Variants in GALNT13 observed in about 807,000 individuals in gnomAD.
The protein encoded by GALNT13 is polypeptide N-acetylgalactosaminyltransferase 13, also known as UDP-GalNAc:polypeptide N-acetylgalactosaminyltransferase 13.
GALNT13 carries 28 observed loss-of-function variants against 64.2 expected under a neutral mutation model. The ratio of observed to expected loss-of-function variants is 0.44; its 90% CI spans 0.32 to 0.60. The LOEUF (loss-of-function observed/expected upper bound fraction) is 0.60. GALNT13 is among the 20% of genes least tolerant of loss of function. The probability of loss-of-function intolerance (pLI) is 0.05; values close to 1 mark genes in which losing one functional copy is unlikely to be tolerated. For missense variants in GALNT13, 577 were observed against 669.8 expected (o/e 0.86, Z 1.53); for synonymous variants, 214 against 224.6 (o/e 0.95, Z 0.42).
At chr2:153,838,527 A>G in the GALNT13 span, among the ~76,000 whole-genome samples, 1 of 151,724 alleles carries the variant, frequency 6.6e-6, no homozygotes, top group Non-Finnish European at 1.5e-5. Context: ...CCCTTTCCCC[A>G]TTGTGTATTT....
At chr2:153,615,691 AAATCTTTTAAATCTTTTAAATGG>A in the GALNT13 span, among the ~76,000 whole-genome samples, 1 of 152,068 alleles carries the variant, frequency 6.6e-6, no homozygotes, top group African/African-American at 2.4e-5. Context: ...GAGAAAATGG[AAATCTTTTAAATCTTTTAAATGG>A]AATCTTTTAA....
At chr2:154,284,465 A>G (rs1364264455) in intron 8 of GALNT13, among the ~76,000 whole-genome samples, 2 of 151,864 alleles carry the variant, frequency 1.3e-5, no homozygotes, top group South Asian at 2.1e-4. Context: ...GCTGTGTAAC[A>G]TGCCATTGTG....
At chr2:153,406,580 G>A in the GALNT13 span, among the ~76,000 whole-genome samples, 1 of 151,896 alleles carries the variant, frequency 6.6e-6, no homozygotes, top group Non-Finnish European at 1.5e-5. Flanking sequence ...GCTAATTTTT[G>A]TACTTTTGAT....
the GALNT13 span, among the ~76,000 whole-genome samples, chr2:153,829,604 T>G: frequency 6.6e-6 from 1 of 152,090 alleles, no homozygotes. Context: ...AGATGAGATT[T>G]GGGTGGGAAC....
chr2:153,878,005 A>C (rs971063624), intron 1 of GALNT13, among the ~76,000 whole-genome samples: 1 of 152,164 alleles, frequency 6.6e-6, no homozygotes, highest in Non-Finnish European at 1.5e-5. Context: ...CAAGGATGAC[A>C]CCAGTTTATT....
chr2:153,443,031 T>G, the GALNT13 span, among the ~76,000 whole-genome samples: 1 of 152,128 alleles, frequency 6.6e-6, no homozygotes, highest in Non-Finnish European at 1.5e-5. Context: ...CTCCCTGGCT[T>G]CAGCCCCCTT....
the GALNT13 span, among the ~76,000 whole-genome samples, chr2:153,195,658 C>T: frequency 1.1e-3 from 170 of 152,364 alleles, no homozygotes; most frequent in African/African-American, 3.8e-3. Context: ...GGCCACAGCT[C>T]TTCTCTCCTT....
chr2:153,885,956 A>G (rs1294315261), intron 1 of GALNT13, among the ~76,000 whole-genome samples: 1 of 152,076 alleles, frequency 6.6e-6, no homozygotes, highest in African/African-American at 2.4e-5. Context: ...ATGAATCAGC[A>G]AACTAAAAAA....
intron 9 of GALNT13, among the ~76,000 whole-genome samples, chr2:154,327,952 T>G (rs1694963686): frequency 6.6e-6 from 1 of 152,166 alleles, no homozygotes; most frequent in Admixed American, 6.6e-5. Flanking sequence ...ATTTTCACTT[T>G]ATATTTTGTT....
chr2:153,776,808 A>T, the GALNT13 span, among the ~76,000 whole-genome samples: 1 of 152,152 alleles, frequency 6.6e-6, no homozygotes, highest in Non-Finnish European at 1.5e-5. Context: ...TCCTAGATGA[A>T]ACATTTCCTT....
At chr2:153,135,543 C>A in the GALNT13 span, among the ~76,000 whole-genome samples, 1 of 152,012 alleles carries the variant, frequency 6.6e-6, no homozygotes, top group Non-Finnish European at 1.5e-5. Context: ...AGAAATAATT[C>A]TCTGTTCCAA....
intron 3 of GALNT13, among the ~76,000 whole-genome samples, chr2:154,007,883 A>G (rs1172764578): frequency 6.6e-6 from 1 of 151,926 alleles, no homozygotes; most frequent in African/African-American, 2.4e-5. Context: ...ACTATGGCCT[A>G]ATCTAGACTT....
chr2:153,999,079 C>T (rs1158998200), intron 3 of GALNT13, among the ~76,000 whole-genome samples: 1 of 152,050 alleles, frequency 6.6e-6, no homozygotes, highest in East Asian at 1.9e-4. Flanking sequence ...CAAAAAAGAG[C>T]CCGCATAGCC....
intron 4 of GALNT13, among the ~76,000 whole-genome samples, chr2:154,195,278 C>G (rs1345198630): frequency 1.3e-5 from 2 of 152,176 alleles, no homozygotes; most frequent in Non-Finnish European, 2.9e-5. Flanking sequence ...TTGGCCACTA[C>G]TCTACCTTCA....
chr2:154,022,790 G>A (rs1257566457), intron 3 of GALNT13, among the ~76,000 whole-genome samples: 1 of 151,728 alleles, frequency 6.6e-6, no homozygotes, highest in East Asian at 1.9e-4. Context: ...GTGATGTTAG[G>A]GTGTCAATTT....
At chr2:153,832,705 G>T in the GALNT13 span, among the ~76,000 whole-genome samples, 1 of 152,118 alleles carries the variant, frequency 6.6e-6, no homozygotes, top group Admixed American at 6.5e-5. Flanking sequence ...TCTGCTACAA[G>T]GGCCATTTTG....
chr2:153,586,378 A>G, the GALNT13 span, among the ~76,000 whole-genome samples: 1 of 152,200 alleles, frequency 6.6e-6, no homozygotes, highest in Non-Finnish European at 1.5e-5. Flanking sequence ...GGAAACTGAA[A>G]GTTAGCAGGA....
At chr2:153,257,435 T>G in the GALNT13 span, among the ~76,000 whole-genome samples, 1 of 152,084 alleles carries the variant, frequency 6.6e-6, no homozygotes, top group Non-Finnish European at 1.5e-5. Context: ...CACTGGGAGC[T>G]GTAGACCTGA....
the GALNT13 span, among the ~76,000 whole-genome samples, chr2:153,399,426 T>G: frequency 5.9e-5 from 9 of 152,342 alleles, no homozygotes; most frequent in African/African-American, 2.2e-4. Context: ...TAGTTCCATA[T>G]GAACTTTAAA....
Sources: allele counts gnomAD v4.1 joint callset (sites outside exome capture counted in the v4.1 genomes callset), GRCh38; gene constraint gnomAD v4.1.1; transcripts MANE v1.5; gene names NCBI Gene and HGNC (gene_info 2026-07-23, HGNC 2026-07-21).